The following CAB39L variants were observed in gnomAD, a reference collection of about 807,000 sequenced individuals.
The protein encoded by CAB39L is calcium-binding protein 39-like.
Under a neutral mutation model 39.1 loss-of-function variants are expected in CAB39L, and 23 were observed. The ratio of observed to expected loss-of-function variants is 0.59; its 90% CI spans 0.42 to 0.83. The LOEUF (loss-of-function observed/expected upper bound fraction) is 0.83. Among genes scored for constraint, CAB39L ranks in the 40% least tolerant of loss-of-function variants. CAB39L has a pLI of 0.00. For missense variants in CAB39L, 366 were observed against 391.9 expected (o/e 0.93, Z 0.56); for synonymous variants, 126 against 137.2 (o/e 0.92, Z 0.57).
intron 3 of CAB39L, among the ~76,000 whole-genome samples, chr13:49,432,259 T>C (rs1957339400): frequency 6.6e-6 from 1 of 151,904 alleles, no homozygotes; most frequent in Non-Finnish European, 1.5e-5. Context: ...GCTCCAGCAA[T>C]CCTCCCACCT....
intron 3 of CAB39L, among the ~76,000 whole-genome samples, chr13:49,392,625 G>C (rs1956514153): frequency 6.6e-6 from 1 of 152,042 alleles, no homozygotes. Flanking sequence ...CTGGGCGACA[G>C]AGCAAGACTC....
chr13:49,355,212 CA>C (rs57254627), intron 6 of CAB39L, among the ~76,000 whole-genome samples: 2,616 of 104,552 alleles, frequency 0.025, 28 homozygotes, highest in African/African-American at 0.054. Flanking sequence ...CCTGTTTCTA[CA>C]AAAAAAAAAA....
In CAB39L at chr13:49,344,174, C is replaced by T. The variant is rs754918927; in HGVS notation, c.624+5G>A. The T allele has an allele frequency of 7.9e-5, 122 of 1,542,318 alleles. No homozygotes were observed. In the Admixed American group the frequency reaches 1.1e-3, roughly 14 times the overall value. On this transcript the variant is annotated splice_donor_5th_base_variant and intron_variant, in intron 8 of 10. Transcript: ENST00000409308. ...GGAAAGTCTTTAAAAATGATTTCTA[C>T]TTACAGTGTCGTAATTTTGTTCTAA...
At chr13:49,330,177 A>G (rs1422384634) in intron 10 of CAB39L, among the ~76,000 whole-genome samples, 1 of 152,206 alleles carries the variant, frequency 6.6e-6, no homozygotes, top group East Asian at 1.9e-4. Flanking sequence ...TAATTTTTAC[A>G]TGCCTTCCAT....
chr13:49,314,680 G>A (rs775811975), intron 10 of CAB39L, among the ~76,000 whole-genome samples: 9 of 152,144 alleles, frequency 5.9e-5, no homozygotes, highest in Non-Finnish European at 1.2e-4. Context: ...GGTTAACAGC[G>A]CAGATTCAGA....
At chr13:49,417,756 T>C (rs1957108209) in intron 3 of CAB39L, among the ~76,000 whole-genome samples, 1 of 152,160 alleles carries the variant, frequency 6.6e-6, no homozygotes, top group African/African-American at 2.4e-5. Flanking sequence ...CAAGAAGTTT[T>C]CAGCAGTGCT....
At chr13:49,443,841 G>A (rs1957594795) in intron 1 of CAB39L, 145 bp downstream of exon 1, 1 of 423,216 alleles carries the variant, frequency 2.4e-6, no homozygotes, top group South Asian at 1.6e-5. Context: ...CCGCAAGTAG[G>A]AAGGCGCTGG....
In CAB39L at chr13:49,339,691, T is replaced by C. The variant is rs1954949948; in HGVS notation, c.676A>G (p.Arg226Gly). 3.2e-6 allele frequency: 5 copies of C among 1,575,642 alleles called. No individual in the cohort carries two copies. Among genetic ancestry groups the C allele is most frequent in the Non-Finnish European group, 4.3e-6 (5 of 1,164,264 alleles). Residue 226 changes from arginine to glycine, a missense_variant, in exon 9 of 11, where the codon AGA becomes GGA. Coordinates refer to ENST00000409308, the MANE Select transcript of CAB39L (RefSeq NM_001079670.3). Reference sequence around the variant, plus strand: ...TTTGATATTACCTTTAAAGACTGTCTCTTAGTAACATAATTCTCAGACTGA... The same window carrying C: ...TTTGATATTACCTTTAAAGACTGTCCCTTAGTAACATAATTCTCAGACTGA... ...LLQSENYVTK[R>G]QSLKLLGELI...
intron 3 of CAB39L, among the ~76,000 whole-genome samples, chr13:49,393,525 T>G (rs1315659662): frequency 6.6e-6 from 1 of 152,048 alleles, no homozygotes; most frequent in Non-Finnish European, 1.5e-5. Context: ...GTGGCTTAGC[T>G]AATCTTAATG....
At chr13:49,442,404 T>G (rs573216894) in intron 1 of CAB39L, among the ~76,000 whole-genome samples, 7 of 152,282 alleles carry the variant, frequency 4.6e-5, no homozygotes, top group Admixed American at 3.9e-4. Context: ...GGTCAAAAGG[T>G]ATATGAACTT....
intron 3 of CAB39L, among the ~76,000 whole-genome samples, chr13:49,396,377 A>C (rs1303468130): frequency 1.3e-5 from 2 of 152,090 alleles, no homozygotes; most frequent in African/African-American, 4.8e-5. Context: ...ACCTTCTGTT[A>C]AACTAAAAAA....
intron 9 of CAB39L, among the ~76,000 whole-genome samples, chr13:49,334,909 C>T (rs897437432): frequency 1.3e-5 from 2 of 152,128 alleles, no homozygotes; most frequent in Non-Finnish European, 2.9e-5. Context: ...CCCCCTAATG[C>T]ACCTAGCAAT....
intron 5 of CAB39L, among the ~76,000 whole-genome samples, chr13:49,362,543 G>T (rs1955664163): frequency 1.3e-5 from 2 of 151,706 alleles, no homozygotes; most frequent in Non-Finnish European, 2.9e-5. Context: ...AAAACATGCA[G>T]TTAGAGGAGA....
intron 3 of CAB39L, among the ~76,000 whole-genome samples, chr13:49,426,901 A>G (rs1297080666): frequency 2.0e-5 from 3 of 152,162 alleles, no homozygotes; most frequent in Non-Finnish European, 4.4e-5. Flanking sequence ...GAACTTATGA[A>G]GGTTGAGGAA....
chr13:49,380,044 G>A (rs113206048), intron 4 of CAB39L, among the ~76,000 whole-genome samples: 3,615 of 152,086 alleles, frequency 0.024, 82 homozygotes, highest in African/African-American at 0.066. Context: ...GTTTCACTGC[G>A]TTAACCAGAT....
At chr13:49,330,135 C>G (rs1954648164) in intron 10 of CAB39L, among the ~76,000 whole-genome samples, 1 of 152,152 alleles carries the variant, frequency 6.6e-6, no homozygotes, top group South Asian at 2.1e-4. Flanking sequence ...AGACAGCTAC[C>G]AGAACAAGAA....
In CAB39L at chr13:49,376,218, C is replaced by T. The variant is rs554713159; in HGVS notation, c.276+749G>A. On this transcript the variant is annotated intron_variant, in intron 5 of 10. Coordinates refer to ENST00000409308, the MANE Select transcript of CAB39L (RefSeq NM_001079670.3). ...GAATGAATGGAGACCCAAGTACCTA[C>T]CTGATACGAACAAAATTCGTATTAT... Among the ~76,000 whole-genome samples, 6 of 152,356 alleles carry T rather than the reference C, an allele frequency of 3.9e-5. No homozygotes were observed. The East Asian group carries it at 5.8e-4, about 15-fold the overall frequency.
intron 3 of CAB39L, among the ~76,000 whole-genome samples, chr13:49,419,875 G>C (rs1957146144): frequency 6.6e-6 from 1 of 151,936 alleles, no homozygotes; most frequent in Non-Finnish European, 1.5e-5. Context: ...TGCCACAGTT[G>C]CAAAAGAGCA....
chr13:49,339,802 C>T, intron 8 of CAB39L, 60 bp from the exon 9 acceptor site: 3 of 1,394,814 alleles, frequency 2.2e-6, no homozygotes, highest in African/African-American at 1.5e-5. Context: ...CCGTATTAGG[C>T]TGGCTTGCTT....
Sources: gnomAD v4.1 joint callset for allele counts (sites outside exome capture counted in the v4.1 genomes callset) on GRCh38, gnomAD v4.1.1 for gene constraint, MANE v1.5 for transcripts, NCBI Gene and HGNC (gene_info 2026-07-23, HGNC 2026-07-21) for gene names.